The following SYNPR variants were observed in gnomAD, a reference collection of about 807,000 sequenced individuals.
SYNPR encodes synaptoporin.
SYNPR carries 23 observed loss-of-function variants against 32.9 expected under a neutral mutation model. The ratio of observed to expected loss-of-function variants is 0.70; its 90% CI spans 0.50 to 0.99. The LOEUF (loss-of-function observed/expected upper bound fraction) is 0.99. SYNPR is among the 50% of genes least tolerant of loss of function. SYNPR has a pLI of 0.00. For missense variants in SYNPR, 318 were observed against 349.3 expected (o/e 0.91, Z 0.71); for synonymous variants, 146 against 135.9 (o/e 1.07, Z -0.52).
chr3:63,593,755 CACT>C (rs1364926797), intron 4 of SYNPR, among the ~76,000 whole-genome samples: 1 of 152,108 alleles, frequency 6.6e-6, no homozygotes, highest in African/African-American at 2.4e-5. Flanking sequence ...CATCAGCATC[CACT>C]ACATCTCTCT....
chr3:63,450,028 G>C (rs577173843), intron 2 of SYNPR, among the ~76,000 whole-genome samples: 7 of 152,156 alleles, frequency 4.6e-5, no homozygotes, highest in Non-Finnish European at 1.0e-4. Flanking sequence ...GGTAAGCAGA[G>C]TTAAAGCATA....
At chr3:63,593,733 G>C (rs1287517643) in intron 4 of SYNPR, among the ~76,000 whole-genome samples, 1 of 152,138 alleles carries the variant, frequency 6.6e-6, no homozygotes, top group African/African-American at 2.4e-5. Flanking sequence ...CCCAGACCTT[G>C]TAACAGAAGA....
Position 63,453,266 on chromosome 3 carries a change from A to G in SYNPR, c.85-27566A>G, listed in dbSNP as rs532989452. On this transcript the variant is annotated intron_variant, in intron 2 of 5. Transcript: ENST00000478300. ...TTGCCTTTTCAGTGGAAATGACCTC[A>G]GCTCTCTTCACAGAGGAGTCAGGAA... Among the ~76,000 whole-genome samples the G allele has an allele frequency of 2.0e-3, 309 of 152,242 alleles. 4 individuals carry two copies. The highest frequency in any genetic ancestry group is 6.8e-3 in the African/African-American group (282 of 41,562).
At chr3:63,422,458 A>T (rs1699816918) in intron 2 of SYNPR, among the ~76,000 whole-genome samples, 1 of 152,240 alleles carries the variant, frequency 6.6e-6, no homozygotes, top group Non-Finnish European at 1.5e-5. Flanking sequence ...AAGAGGCACA[A>T]GGAAACTTAG....
At chr3:63,558,281 A>G (rs1346326570) in intron 4 of SYNPR, among the ~76,000 whole-genome samples, 1 of 152,230 alleles carries the variant, frequency 6.6e-6, no homozygotes, top group Non-Finnish European at 1.5e-5. Context: ...ATAGCCATAC[A>G]AAATGGACTA....
chr3:63,203,011 GTTCT>G, the SYNPR span, among the ~76,000 whole-genome samples: 4 of 140,682 alleles, frequency 2.8e-5, no homozygotes, highest in East Asian at 2.1e-4. Context: ...AGCTATTTTG[GTTCT>G]TTGTTTTTTT....
chr3:63,340,276 A>G (rs906165088), intron 2 of SYNPR, among the ~76,000 whole-genome samples: 2 of 152,106 alleles, frequency 1.3e-5, no homozygotes, highest in African/African-American at 4.8e-5. Flanking sequence ...ATCAATGCAC[A>G]TATACAGGTT....
intron 3 of SYNPR, among the ~76,000 whole-genome samples, chr3:63,518,325 G>A (rs1312375168): frequency 6.6e-6 from 1 of 152,068 alleles, no homozygotes; most frequent in African/African-American, 2.4e-5. Context: ...CAAGCCTTGA[G>A]AGTCCTGAAT....
chr3:63,285,980 G>A (rs1243234050), intron 2 of SYNPR, among the ~76,000 whole-genome samples: 3 of 152,192 alleles, frequency 2.0e-5, no homozygotes, highest in African/African-American at 7.2e-5. Flanking sequence ...AAGGGAGAAA[G>A]TAGAAATTCA....
rs1349913766 is a variant in SYNPR at position 63,278,659 on chromosome 3, C to T, written c.19-18C>T. On this transcript the variant is annotated intron_variant, in intron 1 of 5. Transcript: ENST00000478300. ...TCCTCACGCTTTGCTTTCTCTCTCT[C>T]GCCTCATTCCCCCAAAGCTGGCCTC... 12 of 1,551,492 alleles carry T rather than the reference C, an allele frequency of 7.7e-6. No individual in the cohort carries two copies. Among genetic ancestry groups the T allele is most frequent in the African/African-American group, 1.4e-5 (1 of 73,048 alleles).
intron 2 of SYNPR, among the ~76,000 whole-genome samples, chr3:63,463,291 T>G (rs1245764865): frequency 1.3e-5 from 2 of 152,158 alleles, no homozygotes; most frequent in Non-Finnish European, 2.9e-5. Context: ...ATCCTGGATT[T>G]TCTTAATAGA....
At chr3:63,380,689 A>C in intron 2 of SYNPR, among the ~76,000 whole-genome samples, 1 of 152,170 alleles carries the variant, frequency 6.6e-6, no homozygotes, top group East Asian at 1.9e-4. Flanking sequence ...CAGCACATCA[A>C]AAAGCTTATC....
chr3:63,611,739 A>G (rs1413076932), intron 5 of SYNPR, among the ~76,000 whole-genome samples: 1 of 152,042 alleles, frequency 6.6e-6, no homozygotes, highest in Non-Finnish European at 1.5e-5. Context: ...TTCTAAGTTT[A>G]TATGTATTTT....
chr3:63,464,820 C>T (rs1700648642), intron 2 of SYNPR, among the ~76,000 whole-genome samples: 1 of 152,130 alleles, frequency 6.6e-6, no homozygotes, highest in African/African-American at 2.4e-5. Context: ...GTATTTTAAC[C>T]TTGCTAGATG....
chr3:63,240,840 C>T (rs2086236045), intron 1 of SYNPR, among the ~76,000 whole-genome samples: 1 of 152,092 alleles, frequency 6.6e-6, no homozygotes, highest in Admixed American at 6.6e-5. Flanking sequence ...GGAAACTCTG[C>T]TCCATTCATG....
chr3:63,211,137 T>G, the SYNPR span, among the ~76,000 whole-genome samples: 2 of 152,162 alleles, frequency 1.3e-5, no homozygotes, highest in African/African-American at 4.8e-5. Flanking sequence ...GGCGCGATCT[T>G]GGCTCACTGC....
At chr3:63,267,603 T>C (rs1343804326) in intron 3 of SYNPR, among the ~76,000 whole-genome samples, 1 of 152,118 alleles carries the variant, frequency 6.6e-6, no homozygotes, top group African/African-American at 2.4e-5. Context: ...CAGAAGCTGT[T>C]AGTTAAGAGG....
intron 3 of SYNPR, among the ~76,000 whole-genome samples, chr3:63,486,685 T>C (rs1701161755): frequency 6.6e-6 from 1 of 152,188 alleles, no homozygotes; most frequent in Admixed American, 6.5e-5. Flanking sequence ...GATCAATCGA[T>C]AGAGTAAATC....
intron 1 of SYNPR, among the ~76,000 whole-genome samples, chr3:63,243,703 C>A (rs1011537318): frequency 1.3e-5 from 2 of 151,898 alleles, no homozygotes; most frequent in Non-Finnish European, 2.9e-5. Flanking sequence ...TTCAGTGTAA[C>A]CATGTAAGGA....
Sources: allele counts gnomAD v4.1 joint callset (sites outside exome capture counted in the v4.1 genomes callset), GRCh38; gene constraint gnomAD v4.1.1; transcripts MANE v1.5; gene names NCBI Gene and HGNC (gene_info 2026-07-23, HGNC 2026-07-21).